The following RGS12 variants were observed in gnomAD, a reference collection of about 807,000 sequenced individuals.
RGS12 encodes regulator of G-protein signaling 12.
Under a neutral mutation model 120.1 loss-of-function variants are expected in RGS12, and 66 were observed. The ratio of observed to expected loss-of-function variants is 0.55; its 90% CI spans 0.45 to 0.67. RGS12 has a LOEUF of 0.67. Among genes scored for constraint, RGS12 ranks in the 30% least tolerant of loss-of-function variants. The pLI is 0.00. For missense variants in RGS12, 1,859 were observed against 1,957.7 expected, an observed-to-expected ratio of 0.95 and a Z score of 0.95; for synonymous variants, 827 against 804.7, an observed-to-expected ratio of 1.03 and a Z score of -0.47.
At chr4:3,323,870 T>A (rs964268639) in intron 2 of RGS12, 1 of 73,174 alleles carries the variant, frequency 1.4e-5, no homozygotes, top group Non-Finnish European at 2.7e-5. Context: ...TGTGTGTGTG[T>A]GTGAGAGAGA....
intron 3 of RGS12, among the ~76,000 whole-genome samples, chr4:3,351,083 G>A (rs919586206): frequency 3.3e-5 from 5 of 152,070 alleles, no homozygotes; most frequent in African/African-American, 1.2e-4. Context: ...CCAGAATTAT[G>A]GATAAAGCAG....
rs1327042555 is a variant in RGS12, at chr4:3,384,009, C to T, written c.1999-2407C>T. ...CTGAGAATTGAATTTTACTCATGAG[C>T]GTGACATGAAGTGAAACACCTCCTT... On this transcript the variant is annotated intron_variant, in intron 3 of 17. Coordinates refer to ENST00000336727, the MANE Select transcript of RGS12 (RefSeq NM_001394154.1). 2.0e-5 allele frequency among the ~76,000 whole-genome samples: 3 copies of T among 152,308 alleles called. 1 individual carries two copies. The highest frequency in any genetic ancestry group is 1.9e-4 in the East Asian group (1 of 5,192).
At chr4:3,288,195 C>T (rs928216686), upstream of RGS12, among the ~76,000 whole-genome samples, 1 of 151,884 alleles carries the variant, frequency 6.6e-6, no homozygotes, top group Non-Finnish European at 1.5e-5. This position sits in a 1 kb window ranked among gnomAD's most constrained non-coding sequence, Gnocchi z 5.2. Flanking sequence ...ATGGGCCCGG[C>T]GGGTGTGTGG....
intron 17 of RGS12, among the ~76,000 whole-genome samples, chr4:3,434,528 A>C (rs1259068320): frequency 1.3e-5 from 2 of 152,036 alleles, no homozygotes; most frequent in African/African-American, 2.4e-5. Flanking sequence ...GGACCCTCCA[A>C]AATGCTCACC....
At chr4:3,333,951 C>T (rs1199628438) in intron 2 of RGS12, among the ~76,000 whole-genome samples, 4 of 152,184 alleles carry the variant, frequency 2.6e-5, no homozygotes, top group African/African-American at 4.8e-5. Flanking sequence ...TGGCTTATTT[C>T]AGTAAAACTT....
rs78439597 is a variant in RGS12, at chr4:3,384,674, G to C, written c.1999-1742G>C. 9.6e-4 allele frequency among the ~76,000 whole-genome samples: 147 copies of C among 152,368 alleles called. 3 individuals carry two copies. The East Asian group carries it at 0.018, about 18-fold the overall frequency. On this transcript the variant is annotated intron_variant, in intron 3 of 17. Coordinates refer to ENST00000336727, the MANE Select transcript of RGS12 (RefSeq NM_001394154.1). The stretch of plus-strand genomic sequence containing the variant: ...CTGGCCAATGAGAGGACAGTGAAGA[G>C]ATGGATGCAGGCTGCTGTGTGTTTT...
At chr4:3,436,848 C>T (rs1278065806) in intron 17 of RGS12, among the ~76,000 whole-genome samples, 1 of 152,108 alleles carries the variant, frequency 6.6e-6, no homozygotes, top group African/African-American at 2.4e-5. Flanking sequence ...CTGGACAGCA[C>T]AGTCGGAGCC....
chr4:3,434,054 C>T (rs1462749241), intron 17 of RGS12, among the ~76,000 whole-genome samples: 1 of 152,214 alleles, frequency 6.6e-6, no homozygotes, highest in East Asian at 1.9e-4. Context: ...TGAGGCCGTT[C>T]TCATGTTGCT....
intron 1 of RGS12, among the ~76,000 whole-genome samples, chr4:3,301,793 C>T (rs1319925676): frequency 1.3e-5 from 2 of 151,588 alleles, no homozygotes; most frequent in Non-Finnish European, 2.9e-5. Context: ...GTGACATGTC[C>T]AGGTGGGGTG....
chr4:3,393,332 G>T (rs375584417), intron 4 of RGS12, among the ~76,000 whole-genome samples: 3 of 152,150 alleles, frequency 2.0e-5, no homozygotes, highest in East Asian at 1.9e-4. Context: ...TGCCTGCCTC[G>T]TGGGGTCTCG....
intron 2 of RGS12, among the ~76,000 whole-genome samples, chr4:3,328,503 C>T (rs997927106): frequency 3.9e-5 from 6 of 152,182 alleles, no homozygotes; most frequent in East Asian, 3.9e-4. Flanking sequence ...GTAGAGTCCC[C>T]GCCAGCACGT....
intron 3 of RGS12, among the ~76,000 whole-genome samples, chr4:3,356,980 T>C (rs1398822078): frequency 6.6e-6 from 1 of 152,228 alleles, no homozygotes; most frequent in Non-Finnish European, 1.5e-5. Context: ...CTGTTTTCCA[T>C]AGTGGCTGCA....
intron 3 of RGS12, among the ~76,000 whole-genome samples, chr4:3,357,124 T>C (rs1714970081): frequency 6.6e-6 from 1 of 152,188 alleles, no homozygotes; most frequent in African/African-American, 2.4e-5. Flanking sequence ...ATTTCCCTAA[T>C]GTTTAGTGAT....
intron 2 of RGS12, among the ~76,000 whole-genome samples, chr4:3,333,943 G>C (rs962558781): frequency 1.3e-5 from 2 of 151,856 alleles, no homozygotes; most frequent in African/African-American, 4.8e-5. Flanking sequence ...TCTCATTTTG[G>C]CTTATTTCAG....
chr4:3,299,751 G>A (rs1221039781), intron 1 of RGS12, among the ~76,000 whole-genome samples: 1 of 152,230 alleles, frequency 6.6e-6, no homozygotes, highest in Non-Finnish European at 1.5e-5. Flanking sequence ...TTTCCTGGAT[G>A]GGTCAACTAA....
rs141384804 is a variant in RGS12, at chr4:3,416,067, A to G, written c.2373A>G (p.Ala791=). The part of the protein sequence containing the change: ...PVNIDSQAQL[A]DDVLRAPHPD... Reference sequence around the variant, plus strand: ...ACATCGACAGCCAGGCCCAGCTAGCAGACGACGTCCTCCGCGCACCTCACC... The same window carrying G: ...ACATCGACAGCCAGGCCCAGCTAGCGGACGACGTCCTCCGCGCACCTCACC... The change falls in exon 7 of 18, where the codon GCA becomes GCG. Residue 791 remains alanine (A), a synonymous_variant. Coordinates refer to ENST00000336727, the MANE Select transcript of RGS12 (RefSeq NM_001394154.1). 17 of 1,614,096 alleles carry G rather than the reference A, an allele frequency of 1.1e-5. No individual in the cohort carries two copies. The African/African-American group carries it at 1.6e-4, about 15-fold the overall frequency.
intron 3 of RGS12, among the ~76,000 whole-genome samples, chr4:3,362,480 GT>G (rs1257746483): frequency 1.8e-4 from 15 of 84,312 alleles, no homozygotes; most frequent in South Asian, 5.0e-4. Flanking sequence ...GAGGGTGTGT[GT>G]ATGTGAGGGT....
intron 2 of RGS12, among the ~76,000 whole-genome samples, chr4:3,336,183 G>A (rs565360408): frequency 2.4e-4 from 37 of 152,290 alleles, no homozygotes; most frequent in African/African-American, 8.4e-4. Context: ...CAGCTCCACC[G>A]GCTGTTTTCC....
chr4:3,370,726 A>G (rs1417740151), intron 3 of RGS12, among the ~76,000 whole-genome samples: 1 of 152,250 alleles, frequency 6.6e-6, no homozygotes, highest in African/African-American at 2.4e-5. Context: ...GGCTCTTTAA[A>G]TGATGGTAGC....
Sources: allele counts gnomAD v4.1 joint callset (sites outside exome capture counted in the v4.1 genomes callset), GRCh38; gene constraint gnomAD v4.1.1; non-coding constraint Gnocchi (gnomAD v3.1); transcripts MANE v1.5; gene names NCBI Gene and HGNC (gene_info 2026-07-23, HGNC 2026-07-21).